PCOLCE2: variants seen among roughly 807,000 people sequenced by gnomAD.
PCOLCE2 encodes the protein procollagen C-endopeptidase enhancer 2.
In PCOLCE2, 42 loss-of-function variants were observed where a neutral mutation model predicts 47.0. That is an observed-to-expected ratio of 0.89 (90% CI 0.70 to 1.16). PCOLCE2 has a LOEUF of 1.16. PCOLCE2 is among the 50% of genes most tolerant of loss of function. The pLI is 0.00. For missense variants in PCOLCE2, 500 were observed against 526.1 expected (o/e 0.95, Z 0.49); for synonymous variants, 169 against 191.7 (o/e 0.88, Z 0.98).
chr3:142,843,308 T>C (rs1351878375), intron 3 of PCOLCE2: 9 of 527,180 alleles, frequency 1.7e-5, no homozygotes, highest in African/African-American at 1.3e-4. Context: ...TCTTTTTTTT[T>C]CCTTAGACAA....
At chr3:142,855,926 T>C (rs925148674) in intron 2 of PCOLCE2, among the ~76,000 whole-genome samples, 1 of 152,140 alleles carries the variant, frequency 6.6e-6, no homozygotes, top group Non-Finnish European at 1.5e-5. Flanking sequence ...GGGGAAGTTG[T>C]TTGTTAGAGC....
intron 2 of PCOLCE2, among the ~76,000 whole-genome samples, chr3:142,869,132 A>C (rs1326990632): frequency 6.6e-6 from 1 of 152,094 alleles, no homozygotes; most frequent in Non-Finnish European, 1.5e-5. Context: ...TCTACTAAAA[A>C]TACAAAAAAT....
intron 2 of PCOLCE2, among the ~76,000 whole-genome samples, chr3:142,871,711 A>G (rs368959004): frequency 1.3e-5 from 2 of 152,320 alleles, no homozygotes; most frequent in South Asian, 4.1e-4. Flanking sequence ...GCTGACTTGC[A>G]CTACAAATTT....
chr3:142,881,010 G>T (rs1216584150), intron 2 of PCOLCE2, among the ~76,000 whole-genome samples: 1 of 152,158 alleles, frequency 6.6e-6, no homozygotes, highest in Non-Finnish European at 1.5e-5. Context: ...ACTGCTTACA[G>T]TGGGCATTAT....
chr3:142,874,770 G>A (rs1933464469), intron 2 of PCOLCE2, among the ~76,000 whole-genome samples: 1 of 152,182 alleles, frequency 6.6e-6, no homozygotes, highest in Non-Finnish European at 1.5e-5. Flanking sequence ...TTGGCCTTAA[G>A]AGATTTATAG....
At chr3:142,862,822 T>C (rs982842568) in intron 2 of PCOLCE2, among the ~76,000 whole-genome samples, 1 of 152,148 alleles carries the variant, frequency 6.6e-6, no homozygotes. Context: ...ACTTGCACCA[T>C]CATTTATACA....
chr3:142,853,101 TAAA>T (rs372555197), intron 2 of PCOLCE2, among the ~76,000 whole-genome samples: 2 of 129,982 alleles, frequency 1.5e-5, no homozygotes. Context: ...AGACCCTGTT[TAAA>T]AAAAAAAAAA....
chr3:142,860,386 A>AT (rs1388683540), intron 2 of PCOLCE2, among the ~76,000 whole-genome samples: 20 of 151,000 alleles, frequency 1.3e-4, no homozygotes, highest in Non-Finnish European at 2.5e-4. Flanking sequence ...TGCTGGGCTA[A>AT]TATTTTTTTT....
At chr3:142,877,817 T>C (rs1168712989) in intron 2 of PCOLCE2, among the ~76,000 whole-genome samples, 1 of 152,188 alleles carries the variant, frequency 6.6e-6, no homozygotes, top group Non-Finnish European at 1.5e-5. Flanking sequence ...CCCCAATGAG[T>C]AAGAGCCTCC....
chr3:142,883,449 C>A (rs1241084655), intron 2 of PCOLCE2, among the ~76,000 whole-genome samples: 3 of 151,542 alleles, frequency 2.0e-5, no homozygotes, highest in Admixed American at 1.3e-4. Context: ...AATGGAGTCT[C>A]GCTCTTGTTG....
chr3:142,834,178 T>G (rs1392067176), intron 5 of PCOLCE2, among the ~76,000 whole-genome samples: 3 of 152,180 alleles, frequency 2.0e-5, no homozygotes, highest in African/African-American at 7.2e-5. Flanking sequence ...AAAACCACAC[T>G]GTCTTAATTA....
chr3:142,853,188 A>G (rs1932989961), intron 2 of PCOLCE2, among the ~76,000 whole-genome samples: 1 of 152,110 alleles, frequency 6.6e-6, no homozygotes, highest in South Asian at 2.1e-4. Flanking sequence ...CTGAGGAAGA[A>G]GAGAAGAAGG....
intron 5 of PCOLCE2, among the ~76,000 whole-genome samples, chr3:142,832,059 C>T (rs1198595142): frequency 6.6e-6 from 1 of 152,230 alleles, no homozygotes. Flanking sequence ...GATGCTGTTT[C>T]ATGTGGTATA....
chr3:142,869,663 T>C (rs1295348238), intron 2 of PCOLCE2, among the ~76,000 whole-genome samples: 1 of 152,240 alleles, frequency 6.6e-6, no homozygotes, highest in South Asian at 2.1e-4. Flanking sequence ...CACTTCTTTC[T>C]ATTGATTCCA....
chr3:142,844,302 T>C (rs1937300037), intron 3 of PCOLCE2, among the ~76,000 whole-genome samples: 1 of 152,214 alleles, frequency 6.6e-6, no homozygotes, highest in South Asian at 2.1e-4. Flanking sequence ...CATATAAATT[T>C]GTTTACCCAT....
At chr3:142,849,468 CATA>C (rs961686318) in intron 2 of PCOLCE2, among the ~76,000 whole-genome samples, 15 of 152,116 alleles carry the variant, frequency 9.9e-5, no homozygotes, top group African/African-American at 3.6e-4. Context: ...TTCATTTTAT[CATA>C]ATATTTTATT....
At chr3:142,837,701 G>T (rs563571874) in intron 5 of PCOLCE2, among the ~76,000 whole-genome samples, 1 of 152,216 alleles carries the variant, frequency 6.6e-6, no homozygotes, top group African/African-American at 2.4e-5. Context: ...GTTATATATT[G>T]CACCAGAATT....
intron 3 of PCOLCE2, chr3:142,846,854 T>C (rs565873067): frequency 3.3e-5 from 5 of 151,350 alleles, no homozygotes; most frequent in African/African-American, 4.9e-5. Context: ...TCTCAATTTG[T>C]TTATTTATTA....
intron 2 of PCOLCE2, among the ~76,000 whole-genome samples, chr3:142,879,401 C>A (rs536515972): frequency 6.6e-6 from 1 of 152,054 alleles, no homozygotes; most frequent in East Asian, 1.9e-4. Flanking sequence ...AGTTTTCAAT[C>A]AATAAAAACA....
Sources: allele counts gnomAD v4.1 joint callset (sites outside exome capture counted in the v4.1 genomes callset), GRCh38; gene constraint gnomAD v4.1.1; transcripts MANE v1.5; gene names NCBI Gene and HGNC (gene_info 2026-07-23, HGNC 2026-07-21).